The following RBFOX1 variants were observed in gnomAD, a reference collection of about 807,000 sequenced individuals.
RBFOX1 encodes RNA binding protein fox-1 homolog 1.
Under a neutral mutation model 57.7 loss-of-function variants are expected in RBFOX1, and 8 were observed. The ratio of observed to expected loss-of-function variants is 0.14; its 90% confidence interval spans 0.08 to 0.25. The LOEUF is 0.25. Among genes scored for constraint, RBFOX1 ranks in the 10% least tolerant of loss-of-function variants. The pLI is 1.00. For synonymous variants in RBFOX1, 326 were observed against 222.4 expected, an observed-to-expected ratio of 1.47 and a Z score of -4.15; for missense variants, 611 against 548.5, an observed-to-expected ratio of 1.11 and a Z score of -1.14.
At chr16:7,230,605 A>G (rs1302395200) in intron 4 of RBFOX1, among the ~76,000 whole-genome samples, 4 of 152,286 alleles carry the variant, frequency 2.6e-5, no homozygotes, top group African/African-American at 4.8e-5. Flanking sequence ...ACGTGATGGC[A>G]TTGGGCACTA....
At position 6,504,089 on chromosome 16, in the gene RBFOX1, C is replaced by T. The variant is rs538531472; in HGVS notation, c.-63-150514C>T. On this transcript the variant is annotated intron_variant, in intron 2 of 15. Coordinates refer to ENST00000550418, the MANE Select transcript of RBFOX1 (RefSeq NM_018723.4). Reference sequence around the variant, plus strand: ...TTTGCTTTTTGGTTCTTTTTTGTTCCTTCAGTGAAATGGCAGCCCAGAGGT... The same window carrying T: ...TTTGCTTTTTGGTTCTTTTTTGTTCTTTCAGTGAAATGGCAGCCCAGAGGT... Among the ~76,000 whole-genome samples, 13 of 152,102 alleles carry T rather than the reference C, an allele frequency of 8.5e-5. No individual in the cohort carries two copies. In the East Asian group the frequency reaches 2.3e-3, roughly 27 times the overall value.
intron 4 of RBFOX1, among the ~76,000 whole-genome samples, chr16:7,160,473 C>A (rs535403863): frequency 5.3e-5 from 8 of 152,172 alleles, no homozygotes; most frequent in African/African-American, 1.9e-4. Flanking sequence ...GTGTAACGTG[C>A]AGCATGAACT....
At position 7,001,385 on chromosome 16, in the gene RBFOX1, TG is replaced by T. The variant is rs1568311500; in HGVS notation, c.-15-50671del. On this transcript the variant is annotated intron_variant, in intron 3 of 15. Coordinates refer to ENST00000550418, the MANE Select transcript of RBFOX1 (RefSeq NM_018723.4). ...GTGTGTATGTGTATGTGTATGTGTA[TG>T]TGTATGTGTATTTGTATATGTATAT... 7.6e-3 allele frequency among the ~76,000 whole-genome samples: 1,036 copies of T among 136,254 alleles called. 12 individuals are homozygous for T. Among genetic ancestry groups the T allele is most frequent in the African/African-American group, 0.032 (966 of 30,094 alleles). 89.4% of individuals were successfully genotyped at this position (136,254 alleles called of 152,430 possible).
At chr16:6,644,741 T>A (rs1239461533) in intron 2 of RBFOX1, among the ~76,000 whole-genome samples, 1 of 152,178 alleles carries the variant, frequency 6.6e-6, no homozygotes, top group East Asian at 1.9e-4. Flanking sequence ...TGGAAACACC[T>A]GGGCCCTGGA....
At chr16:5,957,882 C>G (rs1237314103) in intron 4 of RBFOX1, among the ~76,000 whole-genome samples, 1 of 152,072 alleles carries the variant, frequency 6.6e-6, no homozygotes, top group African/African-American at 2.4e-5. Flanking sequence ...TATAGTCACC[C>G]TATTGTACTA....
chr16:5,949,301 C>A (rs2059469381), intron 4 of RBFOX1, among the ~76,000 whole-genome samples: 2 of 151,784 alleles, frequency 1.3e-5, no homozygotes, highest in African/African-American at 2.4e-5. Flanking sequence ...CTGAGGCAGG[C>A]CGATCACGAG....
chr16:5,747,652 C>G (rs998568329), intron 3 of RBFOX1, among the ~76,000 whole-genome samples: 3 of 151,102 alleles, frequency 2.0e-5, no homozygotes, highest in Non-Finnish European at 4.4e-5. Context: ...TCTAGATTTT[C>G]TAGTTTTTTT....
chr16:6,176,313 ATTTTTTTTTT>A (rs34667158), intron 1 of RBFOX1, among the ~76,000 whole-genome samples: 40 of 95,234 alleles, frequency 4.2e-4, no homozygotes, highest in African/African-American at 1.7e-3. Context: ...GCCTGACCAA[ATTTTTTTTTT>A]TTTTTTTTTT....
chr16:6,407,199 A>G (rs1246483361), intron 2 of RBFOX1, among the ~76,000 whole-genome samples: 1 of 152,138 alleles, frequency 6.6e-6, no homozygotes, highest in East Asian at 1.9e-4. Flanking sequence ...CTATACATCT[A>G]TAACTATATT....
chr16:6,143,444 G>A lies in RBFOX1; in HGVS notation c.-127+123452G>A, dbSNP rs76712148. 7.2e-4 allele frequency among the ~76,000 whole-genome samples: 110 copies of A among 152,260 alleles called. 2 individuals carry two copies. The East Asian group carries it at 0.02, about 28-fold the overall frequency. On this transcript the variant is annotated intron_variant, in intron 1 of 15. Transcript: ENST00000550418. Reference sequence around the variant, plus strand: ...GCATTACTGTGGTTTCCTTTCAGGAGGTGATCCCAATGCTCACAAAATGAA... The same window carrying A: ...GCATTACTGTGGTTTCCTTTCAGGAAGTGATCCCAATGCTCACAAAATGAA...
intron 4 of RBFOX1, among the ~76,000 whole-genome samples, chr16:7,314,391 C>T (rs1197922445): frequency 6.6e-6 from 1 of 152,192 alleles, no homozygotes; most frequent in Non-Finnish European, 1.5e-5. Context: ...GCAGTGAAGA[C>T]TGCTTCATAA....
At chr16:5,657,154 T>C (rs1389727026) in intron 3 of RBFOX1, among the ~76,000 whole-genome samples, 1 of 152,174 alleles carries the variant, frequency 6.6e-6, no homozygotes, top group Admixed American at 6.5e-5. Flanking sequence ...ATCTCTTGAT[T>C]GGGGACCTAT....
chr16:5,370,515 T>C (rs1165239313), intron 1 of RBFOX1, among the ~76,000 whole-genome samples: 1 of 150,920 alleles, frequency 6.6e-6, no homozygotes, highest in Non-Finnish European at 1.5e-5. Flanking sequence ...TTATATAAGA[T>C]AGCGTCTCAC....
intron 1 of RBFOX1, among the ~76,000 whole-genome samples, chr16:6,128,969 A>G (rs1217731204): frequency 1.3e-5 from 2 of 152,200 alleles, no homozygotes; most frequent in East Asian, 3.8e-4. Context: ...CCACCTGACA[A>G]AGGATAAAAC....
At chr16:6,059,418 A>G (rs560370074) in intron 1 of RBFOX1, among the ~76,000 whole-genome samples, 1 of 152,334 alleles carries the variant, frequency 6.6e-6, no homozygotes, top group African/African-American at 2.4e-5. Context: ...TGCACGCAAT[A>G]TAAACATTTA....
chr16:7,526,023 T>C (rs1202266289), intron 5 of RBFOX1, among the ~76,000 whole-genome samples: 4 of 151,794 alleles, frequency 2.6e-5, no homozygotes, highest in African/African-American at 9.7e-5. Context: ...AAAAGGTGAG[T>C]GGTGGATGAG....
chr16:7,687,777 A>AC (rs1422441926), intron 14 of RBFOX1, among the ~76,000 whole-genome samples: 2 of 152,068 alleles, frequency 1.3e-5, no homozygotes, highest in Non-Finnish European at 2.9e-5. Flanking sequence ...GTTAAAAATC[A>AC]ACACTAGTGC....
chr16:6,158,339 T>A (rs1444174466), intron 1 of RBFOX1, among the ~76,000 whole-genome samples: 1 of 152,206 alleles, frequency 6.6e-6, no homozygotes, highest in East Asian at 1.9e-4. Flanking sequence ...GGCTGTTTTG[T>A]TCTGTGTCAG....
At chr16:7,544,261 G>C (rs146062118) in intron 5 of RBFOX1, among the ~76,000 whole-genome samples, 1 of 152,178 alleles carries the variant, frequency 6.6e-6, no homozygotes, top group East Asian at 1.9e-4. Flanking sequence ...AGAAGTGAAC[G>C]TTGGAGTCAG....
Sources: allele counts gnomAD v4.1 joint callset (sites outside exome capture counted in the v4.1 genomes callset), GRCh38; gene constraint gnomAD v4.1.1; transcripts MANE v1.5; gene names NCBI Gene and HGNC (gene_info 2026-07-23, HGNC 2026-07-21).